ITFG2: variants seen among roughly 807,000 people sequenced by gnomAD.
The protein encoded by ITFG2 is KICSTOR complex protein ITFG2.
In ITFG2, 36 loss-of-function variants were observed where a neutral mutation model predicts 54.4. The ratio of observed to expected loss-of-function variants is 0.66; its 90% confidence interval spans 0.51 to 0.87. The LOEUF (loss-of-function observed/expected upper bound fraction) is 0.87, where lower values mean the gene tolerates loss of function less well. Among genes scored for constraint, ITFG2 ranks in the 40% least tolerant of loss-of-function variants. ITFG2 has a pLI of 0.00. For missense variants in ITFG2, 524 were observed against 576.7 expected (o/e 0.91, Z 0.94); for synonymous variants, 211 against 225.4 (o/e 0.94, Z 0.57).
At chr12:2,821,512 C>G (rs748537605) in intron 7 of ITFG2, 31 bp from the exon 8 acceptor site, 2 of 1,613,028 alleles carry the variant, frequency 1.2e-6, no homozygotes, top group Middle Eastern at 1.7e-4. Context: ...CTTGCCCTGC[C>G]CTTTACATAT....
chr12:2,815,142 C>T (rs562012965), intron 1 of ITFG2, among the ~76,000 whole-genome samples: 4 of 152,114 alleles, frequency 2.6e-5, no homozygotes, highest in Non-Finnish European at 4.4e-5. Context: ...CCGCGCCCAG[C>T]CAGAAATCAA....
chr12:2,835,752 G>A (rs2098025823), upstream of ITFG2, among the ~76,000 whole-genome samples: 1 of 152,208 alleles, frequency 6.6e-6, no homozygotes, highest in Non-Finnish European at 1.5e-5. Flanking sequence ...AGCTGTTGAA[G>A]CTCCCTGTGC....
At chr12:2,858,405 T>G in intron 3 of ITFG2, 1 of 512,470 alleles carries the variant, frequency 2.0e-6, no homozygotes, top group Non-Finnish European at 3.5e-6. Context: ...GCCTTTGTTG[T>G]TCCCACCCTT....
rs1020170487 is a variant in ITFG2, at chr12:2,845,075, C to T, written n.300+4080C>T. On this transcript the variant is annotated intron_variant and non_coding_transcript_variant, in intron 2 of 3. Transcript: ENST00000537710. This position sits in a 1 kb window ranked among gnomAD's most constrained non-coding sequence, Gnocchi z 4.2. Reference sequence around the variant, plus strand: ...CCTGTGATGGCAGGTGGGCAGCAGCCACTATTGACACTGTGTAATGAAAAG... The same window carrying T: ...CCTGTGATGGCAGGTGGGCAGCAGCTACTATTGACACTGTGTAATGAAAAG... Among the ~76,000 whole-genome samples the T allele has an allele frequency of 3.9e-5, 6 of 152,196 alleles. No individual in the cohort carries two copies. Among genetic ancestry groups the T allele is most frequent in the Admixed American group, 3.9e-4 (6 of 15,282 alleles).
chr12:2,834,642 C>T (rs926537345), upstream of ITFG2: 31 of 1,585,070 alleles, frequency 2.0e-5, 1 homozygote, highest in Non-Finnish European at 7.7e-6. Context: ...GATGCCTCAC[C>T]AAGTCCTTGG....
chr12:2,830,930 A>G, downstream of ITFG2: 1 of 1,536,556 alleles, frequency 6.5e-7, no homozygotes, highest in Non-Finnish European at 8.8e-7. Flanking sequence ...CAGTTACCCC[A>G]CTTAGATACC....
At chr12:2,856,614 C>T (rs928692091) in intron 2 of ITFG2, among the ~76,000 whole-genome samples, 1 of 152,182 alleles carries the variant, frequency 6.6e-6, no homozygotes, top group Non-Finnish European at 1.5e-5. Context: ...CCGTTCCCCT[C>T]GACCTCCCGA....
chr12:2,835,590 C>T (rs1164236888), upstream of ITFG2: 1 of 152,212 alleles, frequency 6.6e-6, no homozygotes, highest in Non-Finnish European at 1.5e-5. Context: ...TCTGAATCTT[C>T]CCACGAGTAG....
chr12:2,838,554 C>G (rs115249521), intron 1 of ITFG2, among the ~76,000 whole-genome samples: 2 of 152,160 alleles, frequency 1.3e-5, no homozygotes, highest in Non-Finnish European at 2.9e-5. Context: ...CAGCTTCTCT[C>G]TTCCAGTTAG....
rs113410637 is a variant in ITFG2 at position 2,841,719 on chromosome 12, ATTT to A, written n.300+735_300+737del. ...TAATTGATTGCATTACTTTATATTGATTTTTTTTTTTTTCTTTGAGACAGAGTC... is the reference window on the plus strand; with the variant it reads ...TAATTGATTGCATTACTTTATATTGATTTTTTTTTTCTTTGAGACAGAGTC... On this transcript the variant is annotated intron_variant and non_coding_transcript_variant, in intron 2 of 3. Coordinates refer to the ITFG2 transcript ENST00000537710. Among the ~76,000 whole-genome samples, 155 of 147,604 alleles carry A rather than the reference ATTT, an allele frequency of 1.1e-3. 3 individuals carry two copies. In the East Asian group the frequency reaches 0.026, roughly 24 times the overall value.
chr12:2,836,283 T>C (rs897593352), upstream of ITFG2, among the ~76,000 whole-genome samples: 8 of 152,226 alleles, frequency 5.3e-5, no homozygotes, highest in Admixed American at 2.0e-4. Flanking sequence ...TATCAGACTT[T>C]TTCTAGCCCT....
Position 2,820,930 on chromosome 12 carries a change from C to T in ITFG2, c.695+58C>T, listed in dbSNP as rs1462967986. 3 of 1,567,324 alleles carry T rather than the reference C, an allele frequency of 1.9e-6. No homozygotes were observed. The African/African-American group carries it at 4.1e-5, about 21-fold the overall frequency. ...GGTGCATGGAAGCAGGATGGGCTCC[C>T]AGATGCCACATGGTAGTAAAATGGG... On this transcript the variant is annotated intron_variant, in intron 6 of 11. Transcript: ENST00000228799.
intron 1 of ITFG2, 44 bp from the exon 2 acceptor site, chr12:2,817,179 C>A: frequency 7.6e-7 from 1 of 1,320,426 alleles, no homozygotes; most frequent in South Asian, 1.2e-5. Context: ...TGAAGAGGTT[C>A]AGCAGAGTCC....
intron 4 of ITFG2, among the ~76,000 whole-genome samples, chr12:2,818,873 C>G (rs1010447518): frequency 6.6e-6 from 1 of 151,772 alleles, no homozygotes; most frequent in Non-Finnish European, 1.5e-5. Context: ...CAAAAAGTAG[C>G]CAGGCATGGT....
downstream of ITFG2, chr12:2,825,128 T>C (rs1232608464): frequency 6.6e-6 from 1 of 152,256 alleles, no homozygotes; most frequent in East Asian, 1.9e-4. Context: ...TGTGCATGTG[T>C]GTACTGAGTG....
chr12:2,848,792 C>T (rs1321821995), intron 2 of ITFG2, among the ~76,000 whole-genome samples: 1 of 151,928 alleles, frequency 6.6e-6, no homozygotes, highest in East Asian at 1.9e-4. Flanking sequence ...AGCCTCATTC[C>T]CAATGGGTTA....
chr12:2,859,635 G>T, exon 4 of ITFG2: 1 of 1,610,916 alleles, frequency 6.2e-7, no homozygotes, highest in Non-Finnish European at 8.5e-7. Context: ...AGAAGAAAGA[G>T]GAGCTATCCC....
intron 9 of ITFG2, among the ~76,000 whole-genome samples, chr12:2,822,222 G>GTAA (rs2097947822): frequency 1.3e-5 from 2 of 152,266 alleles, no homozygotes; most frequent in Admixed American, 1.3e-4. Context: ...GTGCCTGGCC[G>GTAA]TAAGTCTCTT....
chr12:2,816,576 G>A (rs1368306724), intron 1 of ITFG2, among the ~76,000 whole-genome samples: 5 of 151,350 alleles, frequency 3.3e-5, no homozygotes, highest in Non-Finnish European at 7.4e-5. Context: ...TGATCCGCCC[G>A]CCTTGGCCTT....
Sources: gnomAD v4.1 joint callset for allele counts (sites outside exome capture counted in the v4.1 genomes callset) on GRCh38, gnomAD v4.1.1 for gene constraint, Gnocchi (gnomAD v3.1) non-coding constraint, MANE v1.5 for transcripts, NCBI Gene and HGNC (gene_info 2026-07-23, HGNC 2026-07-21) for gene names.